Variants in FIP1L1 observed in about 807,000 individuals in gnomAD.
The protein encoded by FIP1L1 is pre-mRNA 3'-end-processing factor FIP1.
In FIP1L1, 21 loss-of-function variants were observed where a neutral mutation model predicts 84.6. That is an observed-to-expected ratio of 0.25 (90% CI 0.18 to 0.36). The LOEUF is 0.36. Among genes scored for constraint, FIP1L1 ranks in the 10% least tolerant of loss-of-function variants. The pLI is 1.00. For synonymous variants in FIP1L1, 263 were observed against 242.3 expected (o/e 1.09, Z -0.80); for missense variants, 526 against 751.1 (o/e 0.70, Z 3.50).
chr4:53,408,820 T>A (rs1422389708), intron 10 of FIP1L1, among the ~76,000 whole-genome samples: 1 of 152,214 alleles, frequency 6.6e-6, no homozygotes, highest in Non-Finnish European at 1.5e-5. Flanking sequence ...TTCACGTAGT[T>A]CTCAAGCCTT....
At chr4:53,459,276 C>A (rs959978194) in intron 17 of FIP1L1, 26 bp from the exon 18 acceptor site, 28 of 962,580 alleles carry the variant, frequency 2.9e-5, no homozygotes, top group Non-Finnish European at 4.0e-5. Flanking sequence ...ACAGAACACA[C>A]CTTTTTTTTT....
rs1192774388 is a variant in FIP1L1 at position 53,460,811 on chromosome 4, C to CTT, written c.*1364_*1365dup. ...TTTCCTGACATTTTTACAATGTATT[C>CTT]TTTCTTTAAATATAAAAACTGACAA... On this transcript the variant is annotated 3_prime_UTR_variant, in exon 18 of 18. Transcript: ENST00000337488. The CTT allele has an allele frequency of 7.4e-6, 9 of 1,212,982 alleles. No homozygotes were observed. Among genetic ancestry groups the CTT allele is most frequent in the African/African-American group, 3.2e-5 (2 of 63,132 alleles). 75.1% of individuals were successfully genotyped at this position (1,212,982 alleles called of 1,614,324 possible).
intron 13 of FIP1L1, among the ~76,000 whole-genome samples, chr4:53,440,226 T>C (rs1327647122): frequency 6.6e-6 from 1 of 152,072 alleles, no homozygotes; most frequent in Admixed American, 6.5e-5. Context: ...AGTTTTTCTA[T>C]TAAAATGTTA....
intron 9 of FIP1L1, among the ~76,000 whole-genome samples, chr4:53,396,731 A>G (rs982843241): frequency 2.6e-5 from 4 of 152,190 alleles, no homozygotes; most frequent in Admixed American, 2.0e-4. Context: ...GCTTTCTTTT[A>G]CAACCTCAAA....
At chr4:53,432,398 C>CAAAAAAAAAAAA (rs35596754) in intron 13 of FIP1L1, among the ~76,000 whole-genome samples, 2 of 68,396 alleles carry the variant, frequency 2.9e-5, no homozygotes, top group Admixed American at 2.1e-4. Context: ...AACTCCATCT[C>CAAAAAAAAAAAA]AAAAAAAAAA....
intron 13 of FIP1L1, among the ~76,000 whole-genome samples, chr4:53,431,871 TTCACAGAAGAGGAGA>T (rs1766843316): frequency 1.3e-5 from 2 of 152,286 alleles, no homozygotes; most frequent in East Asian, 3.9e-4. Flanking sequence ...TGTCAAATAG[TTCACAGAAGAGGAGA>T]AATGTATTGC....
At chr4:53,423,663 A>G (rs566716868) in intron 11 of FIP1L1, among the ~76,000 whole-genome samples, 3 of 152,344 alleles carry the variant, frequency 2.0e-5, no homozygotes, top group East Asian at 1.9e-4. Context: ...AAATCAGTTT[A>G]TGTGGTTAAA....
At chr4:53,446,900 C>T (rs1356619612) in intron 15 of FIP1L1, among the ~76,000 whole-genome samples, 2 of 152,018 alleles carry the variant, frequency 1.3e-5, no homozygotes, top group Non-Finnish European at 2.9e-5. Context: ...GTCTCTTGCC[C>T]ACTCTTTCCT....
intron 10 of FIP1L1, 42 bp from the exon 11 acceptor site, chr4:53,414,573 C>A: frequency 7.2e-7 from 1 of 1,391,376 alleles, no homozygotes; most frequent in East Asian, 2.4e-5. Context: ...GGGTCAGAGA[C>A]AACAATATGT....
intron 5 of FIP1L1, among the ~76,000 whole-genome samples, chr4:53,387,478 T>TC (rs1268455629): frequency 6.6e-6 from 1 of 152,180 alleles, no homozygotes; most frequent in Non-Finnish European, 1.5e-5. Flanking sequence ...CTATAGAAAG[T>TC]CCAAGTATAG....
At chr4:53,383,569 G>A (rs1423433556) in intron 4 of FIP1L1, among the ~76,000 whole-genome samples, 2 of 152,060 alleles carry the variant, frequency 1.3e-5, no homozygotes, top group East Asian at 1.9e-4. Context: ...GGCTGAGGCC[G>A]GAGAATTGCT....
At chr4:53,402,369 T>C (rs1042237817) in intron 10 of FIP1L1, among the ~76,000 whole-genome samples, 15 of 149,380 alleles carry the variant, frequency 1.0e-4, no homozygotes, top group Non-Finnish European at 1.9e-4. Flanking sequence ...TGGAGGGAAA[T>C]GTGGGGTCAG....
chr4:53,395,745 C>T (rs1351704188), intron 9 of FIP1L1, among the ~76,000 whole-genome samples: 1 of 151,234 alleles, frequency 6.6e-6, no homozygotes, highest in Non-Finnish European at 1.5e-5. Flanking sequence ...TGTGTGTGTG[C>T]GTGTGTGTGT....
intron 10 of FIP1L1, among the ~76,000 whole-genome samples, chr4:53,406,933 A>C (rs1404750502): frequency 1.3e-5 from 2 of 151,592 alleles, no homozygotes; most frequent in African/African-American, 4.9e-5. Context: ...GCAGTCTATC[A>C]ATTTTGTTGA....
intron 11 of FIP1L1, among the ~76,000 whole-genome samples, chr4:53,425,636 A>G (rs1449799551): frequency 6.6e-6 from 1 of 152,094 alleles, no homozygotes; most frequent in Non-Finnish European, 1.5e-5. Context: ...GAGACTTAAA[A>G]CTTAACATTA....
intron 15 of FIP1L1, among the ~76,000 whole-genome samples, chr4:53,450,858 G>C (rs1233617146): frequency 6.6e-6 from 1 of 151,712 alleles, no homozygotes; most frequent in African/African-American, 2.4e-5. Context: ...GTTTAAATCT[G>C]TTCTGTTTCC....
intron 13 of FIP1L1, among the ~76,000 whole-genome samples, chr4:53,438,570 C>A (rs1770505904): frequency 6.6e-6 from 1 of 152,074 alleles, no homozygotes; most frequent in Non-Finnish European, 1.5e-5. Context: ...AGTTGCCATG[C>A]CAACTTTCTG....
chr4:53,399,631 A>G lies in FIP1L1; in HGVS notation c.706-99A>G, dbSNP rs1485720951. Reference sequence around the variant, plus strand: ...AGCAAAGGAACATTCTTAGTGTTTAACTTCAAATTAAATGTTGTAAACTTA... The same window carrying G: ...AGCAAAGGAACATTCTTAGTGTTTAGCTTCAAATTAAATGTTGTAAACTTA... On this transcript the variant is annotated intron_variant, in intron 9 of 17. Coordinates refer to ENST00000337488, the MANE Select transcript of FIP1L1 (RefSeq NM_030917.4). 4 of 760,082 alleles carry G rather than the reference A, an allele frequency of 5.3e-6. No homozygotes were observed. The East Asian group carries it at 7.4e-5, about 14-fold the overall frequency. The allele number at this position is 760,082 out of a possible 1,614,324, so 47.1% of individuals were successfully genotyped here.
intron 13 of FIP1L1, among the ~76,000 whole-genome samples, chr4:53,432,329 C>CA (rs1353623182): frequency 7.8e-6 from 1 of 127,526 alleles, no homozygotes; most frequent in Non-Finnish European, 1.6e-5. Flanking sequence ...ACCCAGGAGA[C>CA]AGAGGTTGCA....
Sources: gnomAD v4.1 joint callset for allele counts (sites outside exome capture counted in the v4.1 genomes callset) on GRCh38, gnomAD v4.1.1 for gene constraint, MANE v1.5 for transcripts, NCBI Gene and HGNC (gene_info 2026-07-23, HGNC 2026-07-21) for gene names.